CDV3: variants seen among roughly 807,000 people sequenced by gnomAD.
CDV3 encodes the protein protein CDV3 homolog.
Under a neutral mutation model 24.5 loss-of-function variants are expected in CDV3, and 14 were observed. The observed-to-expected ratio is 0.57, with a 90% CI of 0.38 to 0.89. The LOEUF (loss-of-function observed/expected upper bound fraction) is 0.89, where lower values mean the gene tolerates loss of function less well. Among genes scored for constraint, CDV3 ranks in the 40% least tolerant of loss-of-function variants. CDV3 has a pLI of 0.00. For synonymous variants in CDV3, 114 were observed against 114.1 expected (o/e 1.00, Z 0.00); for missense variants, 304 against 310.2 (o/e 0.98, Z 0.15).
Position 133,588,344 on chromosome 3 carries a change from T to C in CDV3, c.*298T>C, listed in dbSNP as rs753248162. Reference sequence around the variant, plus strand: ...GCCAGTGGTCATTTCAAAATCTTTTTATGTTCAGATACTGAGCCTTCATAA... The same window carrying C: ...GCCAGTGGTCATTTCAAAATCTTTTCATGTTCAGATACTGAGCCTTCATAA... On this transcript the variant is annotated 3_prime_UTR_variant, in exon 5 of 5. Transcript: ENST00000264993. The C allele has an allele frequency of 5.9e-6, 9 of 1,536,274 alleles. No individual in the cohort carries two copies. In the South Asian group the frequency reaches 8.3e-5, roughly 14 times the overall value.
chr3:133,581,745 A>G (rs1266711881), intron 2 of CDV3, among the ~76,000 whole-genome samples: 1 of 152,220 alleles, frequency 6.6e-6, no homozygotes, highest in Non-Finnish European at 1.5e-5. Flanking sequence ...GAGCTACTCT[A>G]TAAAACTTTT....
At chr3:133,587,227 G>T in intron 4 of CDV3, 1 of 1,302,078 alleles carries the variant, frequency 7.7e-7, no homozygotes, top group Non-Finnish European at 9.9e-7. Flanking sequence ...CTTACTTTAG[G>T]GACATGAATT....
intron 2 of CDV3, among the ~76,000 whole-genome samples, chr3:133,581,420 A>G (rs2107717710): frequency 6.6e-6 from 1 of 152,288 alleles, no homozygotes; most frequent in Admixed American, 6.5e-5. Context: ...ATGATTTTTT[A>G]TGTAGGTTAT....
chr3:133,577,520 C>G (rs535078697), intron 2 of CDV3, among the ~76,000 whole-genome samples: 2 of 152,232 alleles, frequency 1.3e-5, no homozygotes, highest in East Asian at 3.9e-4. Context: ...GTCACCACGC[C>G]TGGCTAATTT....
rs752364942 is a variant in CDV3 at position 133,574,162 on chromosome 3, G to A, written c.118G>A (p.Gly40Arg). 7.0e-6 allele frequency: 8 copies of A among 1,139,464 alleles called. No individual in the cohort carries two copies. In the South Asian group the frequency reaches 1.6e-4, roughly 23 times the overall value. 70.6% of individuals were successfully genotyped at this position (1,139,464 alleles called of 1,614,324 possible). A position where few individuals can be genotyped will look rare whatever the true frequency, so the allele number is the denominator to read the frequency against. ...CGCGGGCGCAGCGGGCAGCGCCGGC[G>A]GAAGCAGTGGAGCCGCGGGTGCGGC... is the stretch of plus-strand genomic sequence containing the variant. ...SAAGAAGSAG[G>R]SSGAAGAAGG... Residue 40 changes from glycine to arginine, a missense_variant, in exon 1 of 5, where the codon GGA (glycine) becomes AGA (arginine). Physicochemically the swap from Gly to Arg is moderately radical, Grantham distance 125 (BLOSUM62 -2). Transcript: ENST00000264993.
chr3:133,587,192 A>G (rs1407638310), intron 4 of CDV3: 4 of 1,363,694 alleles, frequency 2.9e-6, no homozygotes, highest in Non-Finnish European at 3.9e-6. Flanking sequence ...CTGGAATTAA[A>G]TGACTACATA....
At chr3:133,586,324 G>A (rs1933594414) in intron 3 of CDV3, among the ~76,000 whole-genome samples, 1 of 152,092 alleles carries the variant, frequency 6.6e-6, no homozygotes, top group African/African-American at 2.4e-5. Flanking sequence ...TTGAACTCCT[G>A]ACCCCAGGTG....
chr3:133,585,289 C>G (rs1414065772), intron 3 of CDV3, among the ~76,000 whole-genome samples: 1 of 152,170 alleles, frequency 6.6e-6, no homozygotes, highest in African/African-American at 2.4e-5. Flanking sequence ...ATCCTCCCAC[C>G]TTAGCTTCCC....
chr3:133,582,791 T>C (rs1933176534), intron 2 of CDV3, among the ~76,000 whole-genome samples: 2 of 152,118 alleles, frequency 1.3e-5, no homozygotes, highest in Admixed American at 1.3e-4. Flanking sequence ...TCATGAAAAA[T>C]AATTTTATGA....
At position 133,588,097 on chromosome 3, in the gene CDV3, C is replaced by G. The variant is rs774513701; in HGVS notation, c.*51C>G. Reference sequence around the variant, plus strand: ...AGGTAACTAGACTGCAGCTAACCACCACCAACAGCCATTCATCATCTGATC... The same window carrying G: ...AGGTAACTAGACTGCAGCTAACCACGACCAACAGCCATTCATCATCTGATC... On this transcript the variant is annotated 3_prime_UTR_variant, in exon 5 of 5. Transcript: ENST00000264993. The G allele has an allele frequency of 2.0e-5, 31 of 1,588,266 alleles. No homozygotes were observed. Among genetic ancestry groups the G allele is most frequent in the Non-Finnish European group, 2.2e-5 (26 of 1,167,968 alleles).
In CDV3 at chr3:133,588,260, C is replaced by T; in HGVS notation, c.*214C>T. 1 of 1,541,238 alleles carries T rather than the reference C, an allele frequency of 6.5e-7. No individual in the cohort carries two copies. The highest frequency in any genetic ancestry group is 1.2e-5 in the South Asian group (1 of 83,544). On this transcript the variant is annotated 3_prime_UTR_variant, in exon 5 of 5. Coordinates refer to ENST00000264993, the MANE Select transcript of CDV3 (RefSeq NM_017548.5). ...TTTCATTGTTACATAAATGTGTGAA[C>T]TAGTTTCAACAGTGTTCTTTCATAT...
At chr3:133,576,936 C>T (rs2074837867) in intron 2 of CDV3, among the ~76,000 whole-genome samples, 1 of 145,314 alleles carries the variant, frequency 6.9e-6, no homozygotes, top group Non-Finnish European at 1.5e-5. Context: ...CAACCTCCGC[C>T]TTCTGGTTTC....
chr3:133,576,416 T>G (rs887463928), intron 2 of CDV3, among the ~76,000 whole-genome samples: 12 of 152,342 alleles, frequency 7.9e-5, no homozygotes, highest in Non-Finnish European at 1.5e-4. Flanking sequence ...CATTTGGTGT[T>G]GTGGAACTGC....
chr3:133,581,491 A>G (rs2107717989), intron 2 of CDV3, among the ~76,000 whole-genome samples: 1 of 152,364 alleles, frequency 6.6e-6, no homozygotes, highest in Non-Finnish European at 1.5e-5. Context: ...ATAAAGAAAT[A>G]TGTAAGAATT....
Position 133,574,137 on chromosome 3 carries a change from C to CGCGGGCGCA in CDV3, c.100_108dup (p.Ala34_Gly36dup). 2 of 1,191,106 alleles carry CGCGGGCGCA rather than the reference C, an allele frequency of 1.7e-6. No individual in the cohort carries two copies. The highest frequency in any genetic ancestry group is 3.2e-5 in the South Asian group (2 of 62,006). 73.8% of individuals were successfully genotyped at this position (1,191,106 alleles called of 1,614,324 possible). On this transcript the variant is annotated inframe_insertion, in exon 1 of 5. Transcript: ENST00000264993. ...AGCGGAGCAACCGGGCGGCGAGTGC[C>CGCGGGCGCA]GCGGGCGCAGCGGGCAGCGCCGGCG...
Position 133,588,847 on chromosome 3 carries a change from T to G in CDV3, c.*801T>G, listed in dbSNP as rs145498898. 2.1e-3 allele frequency: 332 copies of G among 155,930 alleles called. 2 individuals are homozygous for G. Among genetic ancestry groups the G allele is most frequent in the East Asian group, 0.013 (69 of 5,292 alleles). 9.7% of individuals were successfully genotyped at this position (155,930 alleles called of 1,614,324 possible). A position where few individuals can be genotyped will look rare whatever the true frequency, so the allele number is the denominator to read the frequency against. On this transcript the variant is annotated 3_prime_UTR_variant, in exon 5 of 5. Transcript: ENST00000264993. ...ATTTGGATAGTGCTTTTTTGTTTTG[T>G]TTTTGTTCTGCATTAAGGCCTTTTT...
Position 133,574,049 on chromosome 3 carries a change from C to T in CDV3, c.5C>T (p.Ala2Val). M[A>V]ETEERSLDNF... Reference sequence around the variant, plus strand: ...CGGGTCGAGGAGGCCGAGGCCATGGCTGAGACGGAGGAGCGGAGCCTGGAC... The same window carrying T: ...CGGGTCGAGGAGGCCGAGGCCATGGTTGAGACGGAGGAGCGGAGCCTGGAC... Residue 2 changes from alanine to valine, a missense_variant, in exon 1 of 5, where the codon GCT becomes GTT. Around this residue, in one of 3 missense-constraint regions of CDV3, gnomAD observed 219 missense variants for 203.6 expected, o/e 1.08. Transcript: ENST00000264993. 8.3e-7 allele frequency: 1 copy of T among 1,205,522 alleles called. No individual in the cohort carries two copies. 74.7% of individuals were successfully genotyped at this position (1,205,522 alleles called of 1,614,324 possible).
intron 2 of CDV3, 136 bp from the exon 3 acceptor site, chr3:133,583,865 CT>C: frequency 1.5e-6 from 1 of 655,384 alleles, no homozygotes; most frequent in Non-Finnish European, 2.6e-6. Flanking sequence ...CCTGGCCTCA[CT>C]TTTTAAATAA....
In CDV3 at chr3:133,586,697, A is replaced by C; in HGVS notation, c.601A>C (p.Thr201Pro). 6.2e-7 allele frequency: 1 copy of C among 1,600,290 alleles called. No homozygotes were observed. The highest frequency in any genetic ancestry group is 8.6e-7 in the Non-Finnish European group (1 of 1,167,718). The change falls in exon 4 of 5, where the codon ACT (threonine) becomes CCT (proline). Residue 201 changes from threonine (T) to proline (P), a missense_variant. Physicochemically the swap from Thr to Pro is conservative, Grantham distance 38. This residue lies in a region of CDV3 where 29 missense variants were observed against 55.8 expected (regional missense o/e 0.52). Transcript: ENST00000264993. ...SDTQFPSLQS[T>P]AKHVESRKDK... is the part of the protein sequence containing the mutation. ...TACACAGTTCCCATCCCTGCAGTCA[A>C]CTGCCAAGCATGTAGAAAGCCGGAA... is the stretch of plus-strand genomic sequence containing the variant.
Sources: allele counts gnomAD v4.1 joint callset (sites outside exome capture counted in the v4.1 genomes callset), GRCh38; gene constraint gnomAD v4.1.1; regional missense constraint gnomAD v4.1.1; transcripts MANE v1.5; gene names NCBI Gene and HGNC (gene_info 2026-07-23, HGNC 2026-07-21).